Variants in GRM7 observed in about 807,000 individuals in gnomAD.
GRM7 encodes the protein glutamate metabotropic receptor 7, also known as metabotropic glutamate receptor 7.
A neutral mutation model predicts 84.5 loss-of-function variants in GRM7; 35 were observed. The observed-to-expected ratio is 0.41, with a 90% CI of 0.32 to 0.55. The LOEUF (loss-of-function observed/expected upper bound fraction) is 0.55. Ranked by LOEUF, GRM7 falls within the 20% of genes least tolerant of loss-of-function variation. GRM7 has a pLI of 0.19. For missense variants in GRM7, 1,003 were observed against 1,194.6 expected (o/e 0.84, Z 2.36); for synonymous variants, 487 against 455.1 (o/e 1.07, Z -0.89).
chr3:6,901,058 T>C lies in GRM7; in HGVS notation c.519+39151T>C, dbSNP rs566175919. 7.9e-5 allele frequency among the ~76,000 whole-genome samples: 12 copies of C among 152,332 alleles called. No homozygotes were observed. The South Asian group carries it at 2.1e-3, about 26-fold the overall frequency. ...ATTCTCCAGGTTGAGTTTTCCTAAC[T>C]CTTAGAGCTCTAAAATTAATGATTG... On this transcript the variant is annotated intron_variant, in intron 1 of 9. Coordinates refer to ENST00000357716, the MANE Select transcript of GRM7 (RefSeq NM_000844.4).
intron 5 of GRM7, among the ~76,000 whole-genome samples, chr3:7,436,469 C>T (rs1347111885): frequency 7.1e-6 from 1 of 141,466 alleles, no homozygotes; most frequent in African/African-American, 2.6e-5. Context: ...CATAGAAAAA[C>T]ATGTCGTGGG....
At chr3:7,397,640 A>C (rs2125152561) in intron 4 of GRM7, among the ~76,000 whole-genome samples, 1 of 152,308 alleles carries the variant, frequency 6.6e-6, no homozygotes, top group South Asian at 2.1e-4. Flanking sequence ...TGCACATTGC[A>C]TGCCCATATC....
At chr3:7,134,002 AC>A (rs1033742883) in intron 1 of GRM7, among the ~76,000 whole-genome samples, 10 of 152,276 alleles carry the variant, frequency 6.6e-5, no homozygotes, top group Admixed American at 1.3e-4. Context: ...CTCGTTACAT[AC>A]TACACACACA....
intron 8 of GRM7, among the ~76,000 whole-genome samples, chr3:7,633,566 G>A (rs1697946638): frequency 6.6e-6 from 1 of 152,098 alleles, no homozygotes; most frequent in Non-Finnish European, 1.5e-5. Context: ...TTTAGGAGGA[G>A]GGAGGAATTA....
chr3:7,539,822 G>A (rs1331049515), intron 7 of GRM7, among the ~76,000 whole-genome samples: 1 of 152,050 alleles, frequency 6.6e-6, no homozygotes, highest in Non-Finnish European at 1.5e-5. Context: ...AATGATATTG[G>A]CACTGAATTG....
chr3:7,456,531 G>A (rs545813260), intron 6 of GRM7, among the ~76,000 whole-genome samples: 3 of 151,572 alleles, frequency 2.0e-5, no homozygotes, highest in South Asian at 2.1e-4. Context: ...GCTAGGTAGC[G>A]ATGATGTTAT....
intron 1 of GRM7, among the ~76,000 whole-genome samples, chr3:6,898,490 G>A (rs62235374): frequency 0.073 from 11,110 of 151,544 alleles, 558 homozygotes; most frequent in Non-Finnish European, 0.11. Flanking sequence ...AACAGGCAGA[G>A]GCTGGAAGTT....
At chr3:6,997,349 A>G (rs951237169) in intron 1 of GRM7, among the ~76,000 whole-genome samples, 3 of 152,326 alleles carry the variant, frequency 2.0e-5, no homozygotes, top group Admixed American at 2.0e-4. Context: ...GGTAATTTAT[A>G]AAGGAAAGAG....
At chr3:6,888,249 G>A (rs1424677250) in intron 1 of GRM7, among the ~76,000 whole-genome samples, 1 of 152,058 alleles carries the variant, frequency 6.6e-6, no homozygotes, top group Non-Finnish European at 1.5e-5. Context: ...GATCCCATTT[G>A]TCAATTTTGT....
intron 4 of GRM7, among the ~76,000 whole-genome samples, chr3:7,327,033 C>T (rs139935525): frequency 1.3e-3 from 191 of 152,264 alleles, no homozygotes; most frequent in African/African-American, 4.4e-3. Context: ...TCTTGTTCAT[C>T]ACTAGCATGG....
At chr3:7,433,844 C>A (rs1402553175) in intron 5 of GRM7, among the ~76,000 whole-genome samples, 1 of 152,172 alleles carries the variant, frequency 6.6e-6, no homozygotes, top group East Asian at 1.9e-4. Context: ...CCTGTCTCAT[C>A]TGTGAATTCT....
chr3:7,721,791 T>C (rs1432713250), intron 9 of GRM7, among the ~76,000 whole-genome samples: 1 of 152,176 alleles, frequency 6.6e-6, no homozygotes, highest in African/African-American at 2.4e-5. Context: ...AGCGGGGCCA[T>C]TGATTATGTG....
rs1033942966 is a variant in GRM7, at chr3:7,675,667, T to A, written c.2452-4382T>A. Among the ~76,000 whole-genome samples the A allele has an allele frequency of 3.9e-5, 6 of 152,238 alleles. No individual in the cohort carries two copies. The South Asian group carries it at 1.0e-3, about 26-fold the overall frequency. The stretch of plus-strand genomic sequence containing the variant: ...TAGAATATTTGCTGGTACATTTCTA[T>A]CTGACTAGACATGAATAGGAGTGGG... On this transcript the variant is annotated intron_variant, in intron 8 of 9. Transcript: ENST00000357716.
intron 8 of GRM7, among the ~76,000 whole-genome samples, chr3:7,624,084 T>A (rs1697493405): frequency 6.6e-6 from 1 of 152,176 alleles, no homozygotes; most frequent in African/African-American, 2.4e-5. Context: ...TTAGGTCCTC[T>A]ATAATATACA....
At chr3:6,883,371 G>C (rs1695582771) in intron 1 of GRM7, among the ~76,000 whole-genome samples, 1 of 151,608 alleles carries the variant, frequency 6.6e-6, no homozygotes, top group Non-Finnish European at 1.5e-5. Flanking sequence ...ATATTGTCTA[G>C]TCTATTCAAA....
chr3:6,869,343 G>T (rs553849089), intron 1 of GRM7, among the ~76,000 whole-genome samples: 1 of 152,136 alleles, frequency 6.6e-6, no homozygotes, highest in Non-Finnish European at 1.5e-5. Flanking sequence ...TGCAAGGATT[G>T]CATGAAGTAT....
chr3:7,478,928 C>G (rs1163905274), intron 7 of GRM7, among the ~76,000 whole-genome samples: 1 of 152,126 alleles, frequency 6.6e-6, no homozygotes, highest in African/African-American at 2.4e-5. Flanking sequence ...CCAGAGCACT[C>G]TAAACATGAC....
chr3:7,111,167 C>T (rs578052435), intron 1 of GRM7, among the ~76,000 whole-genome samples: 21 of 152,156 alleles, frequency 1.4e-4, no homozygotes, highest in Middle Eastern at 3.4e-3. Context: ...TAGCCCCTCA[C>T]GGAAGGTGCT....
At chr3:7,428,170 C>T (rs1202707154) in intron 5 of GRM7, among the ~76,000 whole-genome samples, 2 of 152,202 alleles carry the variant, frequency 1.3e-5, no homozygotes, top group African/African-American at 4.8e-5. Context: ...TTACTCTAGG[C>T]TTTGTGCTTT....
Sources: gnomAD v4.1 joint callset for allele counts (sites outside exome capture counted in the v4.1 genomes callset) on GRCh38, gnomAD v4.1.1 for gene constraint, MANE v1.5 for transcripts, NCBI Gene and HGNC (gene_info 2026-07-23, HGNC 2026-07-21) for gene names.